Variants in QKI observed in about 807,000 individuals in gnomAD.
QKI encodes the protein QKI, KH domain containing RNA binding.
A neutral mutation model predicts 39.0 loss-of-function variants in QKI; 10 were observed. The observed-to-expected ratio is 0.26, with a 90% CI of 0.16 to 0.43. QKI has a LOEUF of 0.43. Ranked by LOEUF, QKI falls within the 20% of genes least tolerant of loss-of-function variation. The pLI is 1.00. For missense variants in QKI, 218 were observed against 428.0 expected, an observed-to-expected ratio of 0.51 and a Z score of 4.33; for synonymous variants, 204 against 155.4, an observed-to-expected ratio of 1.31 and a Z score of -2.33.
At chr6:163,484,515 T>G (rs182294217) in intron 3 of QKI, among the ~76,000 whole-genome samples, 160 of 152,262 alleles carry the variant, frequency 1.1e-3, no homozygotes, top group Admixed American at 1.9e-3. Context: ...TAGCATAATT[T>G]TTAAGGGCCC....
chr6:163,418,590 G>T (rs1420368022), intron 1 of QKI, among the ~76,000 whole-genome samples: 1 of 151,918 alleles, frequency 6.6e-6, no homozygotes, highest in Non-Finnish European at 1.5e-5. Flanking sequence ...TTTAGGTTGG[G>T]CCCATCATAA....
chr6:163,466,112 A>G (rs1791722416), intron 2 of QKI, among the ~76,000 whole-genome samples: 1 of 150,692 alleles, frequency 6.6e-6, no homozygotes, highest in African/African-American at 2.4e-5. Context: ...GGGTGACAAG[A>G]GCGAAACTCC....
At position 163,561,945 on chromosome 6, in the gene QKI, C is replaced by T. The variant is rs1783050599; in HGVS notation, c.547-37C>T. Reference sequence around the variant, plus strand: ...TATAGCTATTATATTTGTGGACAGTCTCAAATGCTTTCATCTCATGTGTTT... The same window carrying T: ...TATAGCTATTATATTTGTGGACAGTTTCAAATGCTTTCATCTCATGTGTTT... On this transcript the variant is annotated intron_variant, in intron 4 of 7. Transcript: ENST00000361752. 3 of 1,524,920 alleles carry T rather than the reference C, an allele frequency of 2.0e-6. No individual in the cohort carries two copies. In the Admixed American group the frequency reaches 5.3e-5, roughly 27 times the overall value. The allele number at this position is 1,524,920 out of a possible 1,614,324, so 94.5% of individuals were successfully genotyped here.
At chr6:163,558,468 C>T (rs1393190171) in intron 4 of QKI, among the ~76,000 whole-genome samples, 3 of 146,466 alleles carry the variant, frequency 2.0e-5, no homozygotes, top group Non-Finnish European at 3.0e-5. Flanking sequence ...GGCGCGATGT[C>T]GACTCACTGC....
chr6:163,514,932 A>G (rs1779698764), intron 3 of QKI, among the ~76,000 whole-genome samples: 2 of 152,198 alleles, frequency 1.3e-5, no homozygotes, highest in South Asian at 2.1e-4. Flanking sequence ...TTTATGCAAA[A>G]GACACCATAC....
At chr6:163,464,895 C>T (rs957681206) in intron 2 of QKI, among the ~76,000 whole-genome samples, 2 of 152,168 alleles carry the variant, frequency 1.3e-5, no homozygotes, top group Admixed American at 1.3e-4. Flanking sequence ...AATAAAGTTA[C>T]AGGCCAATAT....
chr6:163,460,210 T>G (rs57767588), intron 2 of QKI, among the ~76,000 whole-genome samples: 3,098 of 152,232 alleles, frequency 0.02, 103 homozygotes, highest in African/African-American at 0.071. Flanking sequence ...CTTCTTGGAG[T>G]TTTATGTGAA....
chr6:163,536,350 T>C (rs1781208403), intron 4 of QKI, among the ~76,000 whole-genome samples: 1 of 152,224 alleles, frequency 6.6e-6, no homozygotes, highest in African/African-American at 2.4e-5. Context: ...ACATCGACTT[T>C]TACTGCTTTA....
intron 1 of QKI, among the ~76,000 whole-genome samples, chr6:163,435,247 C>G (rs1277863724): frequency 4.6e-5 from 7 of 152,166 alleles, no homozygotes; most frequent in African/African-American, 1.7e-4. Flanking sequence ...GTTGAAGAAG[C>G]TAATGTTGGA....
intron 1 of QKI, among the ~76,000 whole-genome samples, chr6:163,453,324 T>C (rs953175537): frequency 6.6e-6 from 1 of 152,144 alleles, no homozygotes; most frequent in Non-Finnish European, 1.5e-5. Flanking sequence ...ATAGTTTTCT[T>C]TCATGCTGCT....
chr6:163,509,958 A>G (rs1412610408), intron 3 of QKI, among the ~76,000 whole-genome samples: 1 of 152,054 alleles, frequency 6.6e-6, no homozygotes, highest in Non-Finnish European at 1.5e-5. Flanking sequence ...TCAGGCCTGT[A>G]ATCCTAGCAC....
At chr6:163,546,891 G>A (rs1562531175) in intron 4 of QKI, among the ~76,000 whole-genome samples, 1 of 152,058 alleles carries the variant, frequency 6.6e-6, no homozygotes, top group Non-Finnish European at 1.5e-5. Context: ...ATATAAATAA[G>A]TAGATGTGTT....
chr6:163,527,217 G>A (rs924852411), intron 3 of QKI, among the ~76,000 whole-genome samples: 1 of 152,064 alleles, frequency 6.6e-6, no homozygotes, highest in African/African-American at 2.4e-5. Flanking sequence ...AGTTTTTTGA[G>A]GGCTGCTTTT....
chr6:163,458,219 A>AGTG (rs750231634), intron 2 of QKI, among the ~76,000 whole-genome samples: 5 of 152,172 alleles, frequency 3.3e-5, no homozygotes, highest in Admixed American at 6.5e-5. Context: ...AAGGCCAGGA[A>AGTG]GTGATGATGT....
At chr6:163,514,510 G>A (rs1779673314) in intron 3 of QKI, among the ~76,000 whole-genome samples, 2 of 152,088 alleles carry the variant, frequency 1.3e-5, no homozygotes, top group Admixed American at 1.3e-4. Context: ...AGTTGGGACA[G>A]TTCTAAAAGA....
At chr6:163,458,432 T>G (rs1791095534) in intron 2 of QKI, among the ~76,000 whole-genome samples, 1 of 152,244 alleles carries the variant, frequency 6.6e-6, no homozygotes, top group Non-Finnish European at 1.5e-5. Context: ...TTCTAGTGCT[T>G]AGAATAGTGT....
intron 3 of QKI, among the ~76,000 whole-genome samples, chr6:163,494,660 TTG>T (rs1405140470): frequency 1.7e-5 from 1 of 58,728 alleles, no homozygotes; most frequent in African/African-American, 5.8e-5. Context: ...GGTTTTTTTT[TTG>T]TTTTTGTTGT....
chr6:163,566,839 G>T (rs779703213), intron 7 of QKI, 44 bp downstream of exon 7: 2 of 1,601,814 alleles, frequency 1.2e-6, no homozygotes, highest in African/African-American at 1.3e-5. Flanking sequence ...AATGCGTTGG[G>T]TGTCCATAAA....
intron 1 of QKI, among the ~76,000 whole-genome samples, chr6:163,441,534 A>G (rs963010112): frequency 2.0e-5 from 3 of 152,358 alleles, no homozygotes; most frequent in Non-Finnish European, 4.4e-5. Context: ...CTAACATTCT[A>G]ATGTCAACAG....
Sources: gnomAD v4.1 joint callset for allele counts (sites outside exome capture counted in the v4.1 genomes callset) on GRCh38, gnomAD v4.1.1 for gene constraint, MANE v1.5 for transcripts, NCBI Gene and HGNC (gene_info 2026-07-23, HGNC 2026-07-21) for gene names.